The following CTNND2 variants were observed in gnomAD, a reference collection of about 807,000 sequenced individuals.
CTNND2 encodes catenin delta 2.
A neutral mutation model predicts 144.4 loss-of-function variants in CTNND2; 22 were observed. The observed-to-expected ratio is 0.15, with a 90% CI of 0.11 to 0.22. The LOEUF (loss-of-function observed/expected upper bound fraction) is 0.22, where lower values mean the gene tolerates loss of function less well. CTNND2 is among the 10% of genes least tolerant of loss of function. The pLI, the probability that CTNND2 is intolerant of heterozygous loss-of-function variation, is 1.00. For missense variants in CTNND2, 1,353 were observed against 1,618.8 expected, an observed-to-expected ratio of 0.84 and a Z score of 2.82; for synonymous variants, 751 against 695.6, an observed-to-expected ratio of 1.08 and a Z score of -1.25.
intron 2 of CTNND2, among the ~76,000 whole-genome samples, chr5:11,588,502 T>C (rs1373449472): frequency 6.6e-6 from 1 of 152,204 alleles, no homozygotes; most frequent in Non-Finnish European, 1.5e-5. Context: ...AAATGACCCA[T>C]GAATTCTTAC....
chr5:11,730,175 T>C (rs1264547689), intron 2 of CTNND2, among the ~76,000 whole-genome samples: 1 of 152,200 alleles, frequency 6.6e-6, no homozygotes, highest in East Asian at 1.9e-4. Flanking sequence ...GTGAAACTCA[T>C]CGACCACTTA....
chr5:11,686,507 ATTTG>A lies in CTNND2; in HGVS notation c.174+45625_174+45628del, dbSNP rs557001462. Among the ~76,000 whole-genome samples the A allele has an allele frequency of 2.8e-3, 421 of 152,080 alleles. 5 individuals carry two copies. The highest frequency in any genetic ancestry group is 1.5e-3 in the East Asian group (8 of 5,184). On this transcript the variant is annotated intron_variant, in intron 2 of 21. Coordinates refer to ENST00000304623, the MANE Select transcript of CTNND2 (RefSeq NM_001332.4). ...ATACTATTTCTAGTGAATAAATTAT[ATTTG>A]TTTTTTATATTTGCCACATTCAAAG...
At chr5:11,860,118 C>A (rs966299453) in intron 1 of CTNND2, among the ~76,000 whole-genome samples, 1 of 152,162 alleles carries the variant, frequency 6.6e-6, no homozygotes, top group Non-Finnish European at 1.5e-5. Flanking sequence ...GTTTATGCTA[C>A]AATTAAACAT....
intron 11 of CTNND2, among the ~76,000 whole-genome samples, chr5:11,164,305 T>C (rs1019495056): frequency 6.6e-6 from 1 of 152,190 alleles, no homozygotes. Context: ...GGTGGGCTTT[T>C]TTTGCAGGGT....
At chr5:11,353,942 G>A (rs912732394) in intron 8 of CTNND2, among the ~76,000 whole-genome samples, 1 of 152,182 alleles carries the variant, frequency 6.6e-6, no homozygotes, top group African/African-American at 2.4e-5. Context: ...AATGGAAATA[G>A]GATGGTTGGG....
intron 9 of CTNND2, among the ~76,000 whole-genome samples, chr5:11,328,793 A>G (rs1269202845): frequency 6.6e-6 from 1 of 152,214 alleles, no homozygotes; most frequent in African/African-American, 2.4e-5. Context: ...TGACCCACAG[A>G]CAGCTCTGCC....
chr5:11,742,656 C>T (rs1788081594), intron 1 of CTNND2, among the ~76,000 whole-genome samples: 2 of 152,074 alleles, frequency 1.3e-5, no homozygotes, highest in African/African-American at 2.4e-5. Context: ...GGCATTAGAA[C>T]ATCCCAGGTA....
chr5:11,303,080 C>T (rs981582000), intron 9 of CTNND2, among the ~76,000 whole-genome samples: 6 of 152,164 alleles, frequency 3.9e-5, no homozygotes, highest in Non-Finnish European at 7.3e-5. Flanking sequence ...TGTCTTTTCT[C>T]CTTAAGACTG....
intron 11 of CTNND2, among the ~76,000 whole-genome samples, chr5:11,197,142 G>A (rs1029224791): frequency 3.3e-5 from 5 of 152,172 alleles, no homozygotes; most frequent in Admixed American, 6.5e-5. Flanking sequence ...TTACTAGAGT[G>A]GAAGCTTGGC....
At chr5:11,353,144 T>G (rs1445885110) in intron 8 of CTNND2, among the ~76,000 whole-genome samples, 1 of 151,966 alleles carries the variant, frequency 6.6e-6, no homozygotes. Context: ...GCTACATGTA[T>G]TTGGAGCTTC....
chr5:11,203,102 G>T (rs536031771), intron 10 of CTNND2, among the ~76,000 whole-genome samples: 19 of 152,176 alleles, frequency 1.2e-4, no homozygotes, highest in African/African-American at 4.3e-4. Flanking sequence ...ACCGCACCTG[G>T]CCCCTTCCTC....
intron 1 of CTNND2, among the ~76,000 whole-genome samples, chr5:11,736,800 C>T (rs1787706177): frequency 6.6e-6 from 1 of 152,104 alleles, no homozygotes; most frequent in African/African-American, 2.4e-5. Flanking sequence ...TCTGCCATTC[C>T]AGATAAGTAA....
At chr5:11,820,480 C>T (rs1168716438) in intron 1 of CTNND2, among the ~76,000 whole-genome samples, 2 of 152,128 alleles carry the variant, frequency 1.3e-5, no homozygotes, top group Admixed American at 6.5e-5. Flanking sequence ...TAACAGAATG[C>T]CCTGTATTCA....
At chr5:11,287,514 T>G (rs1281458000) in intron 9 of CTNND2, among the ~76,000 whole-genome samples, 3 of 152,222 alleles carry the variant, frequency 2.0e-5, no homozygotes, top group Admixed American at 6.5e-5. Flanking sequence ...GTAATACAGA[T>G]GCCAAAGGTG....
chr5:11,387,241 T>TAAAAAAA (rs33928349), intron 6 of CTNND2, among the ~76,000 whole-genome samples: 2 of 146,512 alleles, frequency 1.4e-5, no homozygotes, highest in Non-Finnish European at 3.0e-5. Context: ...TTTTCAGCAT[T>TAAAAAAA]AAAAAAAAAA....
At chr5:11,790,109 TA>T (rs1481356838) in intron 1 of CTNND2, among the ~76,000 whole-genome samples, 1 of 152,210 alleles carries the variant, frequency 6.6e-6, no homozygotes, top group African/African-American at 2.4e-5. Context: ...CTCCAGTGTT[TA>T]AAATTGAGCT....
At chr5:11,328,245 T>C (rs148153175) in intron 9 of CTNND2, among the ~76,000 whole-genome samples, 1 of 152,222 alleles carries the variant, frequency 6.6e-6, no homozygotes, top group African/African-American at 2.4e-5. Flanking sequence ...GATAAATGTA[T>C]ATGTGTTGAA....
intron 9 of CTNND2, among the ~76,000 whole-genome samples, chr5:11,293,209 G>A (rs1373395070): frequency 6.6e-6 from 1 of 152,130 alleles, no homozygotes; most frequent in East Asian, 1.9e-4. Context: ...TGATTAGAAA[G>A]CCCAAGTTCA....
chr5:11,802,789 C>T (rs1342246297), intron 1 of CTNND2, among the ~76,000 whole-genome samples: 1 of 152,092 alleles, frequency 6.6e-6, no homozygotes, highest in African/African-American at 2.4e-5. Flanking sequence ...ATGTAATGAA[C>T]ATTATTTTAT....
Sources: allele counts gnomAD v4.1 joint callset (sites outside exome capture counted in the v4.1 genomes callset), GRCh38; gene constraint gnomAD v4.1.1; transcripts MANE v1.5; gene names NCBI Gene and HGNC (gene_info 2026-07-23, HGNC 2026-07-21).